KALRN: variants seen among roughly 807,000 people sequenced by gnomAD.
KALRN encodes kalirin RhoGEF kinase.
In KALRN, 70 loss-of-function variants were observed where a neutral mutation model predicts 353.7. That is an observed-to-expected ratio of 0.20 (90% confidence interval 0.16 to 0.24). The LOEUF (loss-of-function observed/expected upper bound fraction) is 0.24. KALRN is among the 10% of genes least tolerant of loss of function. The pLI is 1.00. For synonymous variants in KALRN, 1,391 were observed against 1,434.8 expected (o/e 0.97, Z 0.69); for missense variants, 2,791 against 3,756.7 (o/e 0.74, Z 6.72).
At chr3:124,548,518 C>T (rs1343860038) in intron 33 of KALRN, among the ~76,000 whole-genome samples, 4 of 152,212 alleles carry the variant, frequency 2.6e-5, no homozygotes, top group Admixed American at 1.3e-4. Context: ...TGCTCAGCAC[C>T]ACTGAGCCAT....
intron 33 of KALRN, among the ~76,000 whole-genome samples, chr3:124,512,787 G>T (rs2066087348): frequency 6.6e-6 from 1 of 152,068 alleles, no homozygotes; most frequent in Admixed American, 6.5e-5. Context: ...ATGCATATAT[G>T]TATATATGAA....
chr3:124,687,361 C>G (rs2061611119), intron 51 of KALRN, among the ~76,000 whole-genome samples: 1 of 152,172 alleles, frequency 6.6e-6, no homozygotes, highest in Admixed American at 6.5e-5. Context: ...CTAACTGACT[C>G]CTAGGCTGCC....
intron 1 of KALRN, among the ~76,000 whole-genome samples, chr3:124,180,569 C>T (rs1352632369): frequency 6.6e-6 from 1 of 152,214 alleles, no homozygotes; most frequent in Non-Finnish European, 1.5e-5. Context: ...GTGTGACCTT[C>T]AGCAGGTCGT....
At position 124,674,415 on chromosome 3, in the gene KALRN, T is replaced by G; in HGVS notation, c.6994T>G (p.Tyr2332Asp). ...GTSSMAVIKD[Y>D]YALKENEICV... ...CTCGTCCATGGCCGTGATCAAAGAT[T>G]ACTATGCACTGAAGGAGAATGAAAT... is the stretch of plus-strand genomic sequence containing the variant. The change falls in exon 49 of 60, where the codon TAC (tyrosine) becomes GAC (aspartate). Residue 2332 changes from tyrosine to aspartate, a missense_variant. Physicochemically the swap from Tyr to Asp is radical, Grantham distance 160. Transcript: ENST00000682506. 1.2e-6 allele frequency: 2 copies of G among 1,613,974 alleles called. No individual in the cohort carries two copies. The highest frequency in any genetic ancestry group is 2.7e-5 in the African/African-American group (2 of 74,992).
At chr3:124,488,378 A>C in intron 29 of KALRN, 63 bp downstream of exon 29, 1 of 1,100,914 alleles carries the variant, frequency 9.1e-7, no homozygotes, top group Non-Finnish European at 1.4e-6. Context: ...AGCTTGTATC[A>C]TGGGAGGGAA....
At chr3:124,092,713 G>T (rs530298696) in intron 1 of KALRN, among the ~76,000 whole-genome samples, 19 of 152,342 alleles carry the variant, frequency 1.2e-4, no homozygotes, top group African/African-American at 4.6e-4. Flanking sequence ...GGGCACCTAC[G>T]AGTTATCTGA....
At chr3:124,632,790 A>C in intron 35 of KALRN, 87 bp downstream of exon 35, 2 of 1,236,714 alleles carry the variant, frequency 1.6e-6, no homozygotes, top group Non-Finnish European at 2.3e-6. Context: ...GGCCATCTCA[A>C]ATCTCCATTA....
chr3:124,639,614 G>C lies in KALRN; in HGVS notation c.5664+2311G>C, dbSNP rs190598086. On this transcript the variant is annotated intron_variant, in intron 37 of 59. Coordinates refer to ENST00000682506, the MANE Select transcript of KALRN (RefSeq NM_001388419.1). ...GTGATCGATGGTGTTAAACATGTAA[G>C]CAAAGACATAGAAAAGTCCCATCAC... 9.7e-4 allele frequency among the ~76,000 whole-genome samples: 148 copies of C among 152,258 alleles called. 2 individuals are homozygous for C. The highest frequency in any genetic ancestry group is 2.8e-3 in the African/African-American group (115 of 41,560).
chr3:124,190,884 A>G (rs1005077010), intron 1 of KALRN, among the ~76,000 whole-genome samples: 1 of 152,176 alleles, frequency 6.6e-6, no homozygotes, highest in East Asian at 1.9e-4. Flanking sequence ...GATTCCACAG[A>G]TTAAGGGCTT....
At chr3:124,553,293 A>G in intron 33 of KALRN, among the ~76,000 whole-genome samples, 1 of 152,360 alleles carries the variant, frequency 6.6e-6, no homozygotes, top group South Asian at 2.1e-4. Flanking sequence ...AGAGAGACTA[A>G]TTAACTTGCT....
At position 124,501,987 on chromosome 3, in the gene KALRN, G is replaced by A. The variant is rs550957259; in HGVS notation, c.4935+5574G>A. On this transcript the variant is annotated intron_variant, in intron 33 of 59. Coordinates refer to ENST00000682506, the MANE Select transcript of KALRN (RefSeq NM_001388419.1). ...TGGTTTTTCTTCTGAGAAAAAGTGG[G>A]CTAATGCTGCAACTGAAAGGACTTG... Among the ~76,000 whole-genome samples, 186 of 152,332 alleles carry A rather than the reference G, an allele frequency of 1.2e-3. 1 individual carries two copies. Among genetic ancestry groups the A allele is most frequent in the Middle Eastern group, 6.8e-3 (2 of 294 alleles).
rs61485429 is a variant in KALRN, at chr3:124,411,433, C to CTTTTTTTTTTTTTTTTTTTTTTTT, written c.2347-2032_2347-2009dup. Among the ~76,000 whole-genome samples, 2 of 51,480 alleles carry CTTTTTTTTTTTTTTTTTTTTTTTT rather than the reference C, an allele frequency of 3.9e-5. 1 individual carries two copies. Among genetic ancestry groups the CTTTTTTTTTTTTTTTTTTTTTTTT allele is most frequent in the Non-Finnish European group, 7.6e-5 (2 of 26,264 alleles). 33.8% of individuals were successfully genotyped at this position (51,480 alleles called of 152,430 possible). A position where few individuals can be genotyped will look rare whatever the true frequency, so the allele number is the denominator to read the frequency against. On this transcript the variant is annotated intron_variant, in intron 13 of 59. Coordinates refer to ENST00000682506, the MANE Select transcript of KALRN (RefSeq NM_001388419.1). ...AAGCCTATGTATACTTTAAATTATG[C>CTTTTTTTTTTTTTTTTTTTTTTTT]TTTTTTTTTTTTTTTTTTTTTTTTT...
chr3:124,081,604 CTACTAAAAA>C (rs1352031945), intron 1 of KALRN, among the ~76,000 whole-genome samples: 1 of 152,032 alleles, frequency 6.6e-6, no homozygotes, highest in Non-Finnish European at 1.5e-5. Flanking sequence ...GATGTTGTTT[CTACTAAAAA>C]TACAAAAATT....
chr3:124,368,459 C>T (rs578234333), intron 10 of KALRN, among the ~76,000 whole-genome samples: 7 of 142,214 alleles, frequency 4.9e-5, no homozygotes, highest in African/African-American at 1.3e-4. Flanking sequence ...ACATCTCAGA[C>T]GATGGGCGGC....
intron 27 of KALRN, among the ~76,000 whole-genome samples, chr3:124,480,744 A>G (rs2061902310): frequency 6.6e-6 from 1 of 152,146 alleles, no homozygotes; most frequent in African/African-American, 2.4e-5. Flanking sequence ...CCAATGATCT[A>G]CTTTATGTCT....
At chr3:124,105,487 G>C (rs1026090080) in intron 1 of KALRN, among the ~76,000 whole-genome samples, 1 of 152,014 alleles carries the variant, frequency 6.6e-6, no homozygotes, top group African/African-American at 2.4e-5. Context: ...ACTGTTTTTC[G>C]AAAGTATTGA....
chr3:124,658,422 C>T lies in KALRN; in HGVS notation c.6037-9C>T. On this transcript the variant is annotated splice_polypyrimidine_tract_variant and intron_variant, in intron 41 of 59. Coordinates refer to ENST00000682506, the MANE Select transcript of KALRN (RefSeq NM_001388419.1). ...CTGACTGTCCACATGTCTCTCTCTG[C>T]TCTTTCAGGAGCGGAAGCTGCACAT... is the stretch of plus-strand genomic sequence containing the variant. 1 of 1,606,456 alleles carries T rather than the reference C, an allele frequency of 6.2e-7. No individual in the cohort carries two copies. Among genetic ancestry groups the T allele is most frequent in the South Asian group, 1.1e-5 (1 of 90,918 alleles).
chr3:124,572,286 C>T (rs1366211874), intron 34 of KALRN, among the ~76,000 whole-genome samples: 1 of 150,280 alleles, frequency 6.7e-6, no homozygotes, highest in Non-Finnish European at 1.5e-5. Context: ...GATTGTGCCA[C>T]TGCACTCCAG....
intron 10 of KALRN, among the ~76,000 whole-genome samples, chr3:124,348,214 A>G (rs2082475290): frequency 6.6e-6 from 1 of 152,180 alleles, no homozygotes; most frequent in Non-Finnish European, 1.5e-5. Flanking sequence ...AGTGAGAATG[A>G]CAGAGCTAGG....
Sources: gnomAD v4.1 joint callset for allele counts (sites outside exome capture counted in the v4.1 genomes callset) on GRCh38, gnomAD v4.1.1 for gene constraint, MANE v1.5 for transcripts, NCBI Gene and HGNC (gene_info 2026-07-23, HGNC 2026-07-21) for gene names.